The following B3GALT1 variants were observed in gnomAD, a reference collection of about 807,000 sequenced individuals.
B3GALT1 encodes the protein beta-1,3-galactosyltransferase 1, also known as UDP-Gal:betaGlcNAc beta 1,3-galactosyltransferase, polypeptide 1.
B3GALT1 carries 10 observed loss-of-function variants against 23.2 expected under a neutral mutation model. The observed-to-expected ratio is 0.43, with a 90% CI of 0.27 to 0.73. The LOEUF (loss-of-function observed/expected upper bound fraction) is 0.73. B3GALT1 is among the 30% of genes least tolerant of loss of function. The probability of loss-of-function intolerance (pLI) is 0.21; values close to 1 mark genes in which losing one functional copy is unlikely to be tolerated. For synonymous variants in B3GALT1, 156 were observed against 141.5 expected (o/e 1.10, Z -0.73); for missense variants, 299 against 405.4 (o/e 0.74, Z 2.25).
intron 4 of B3GALT1, among the ~76,000 whole-genome samples, chr2:167,851,497 T>C (rs1689887051): frequency 6.6e-6 from 1 of 152,196 alleles, no homozygotes; most frequent in Admixed American, 6.5e-5. Flanking sequence ...TATGTCTCCG[T>C]CTTGAGTTTC....
chr2:167,334,043 A>G (rs73015872), intron 1 of B3GALT1, among the ~76,000 whole-genome samples: 2,508 of 152,298 alleles, frequency 0.016, 58 homozygotes, highest in East Asian at 0.083. Flanking sequence ...AAAAAATTAC[A>G]TCAATTAGAA....
intron 3 of B3GALT1, among the ~76,000 whole-genome samples, chr2:167,680,406 TGAGA>T (rs60938313): frequency 9.6e-4 from 143 of 149,584 alleles, no homozygotes; most frequent in African/African-American, 3.2e-3. Context: ...AGAAACAGAT[TGAGA>T]GAGAGAGAGA....
chr2:167,313,449 T>C (rs1001812678), intron 1 of B3GALT1, among the ~76,000 whole-genome samples: 1 of 152,122 alleles, frequency 6.6e-6, no homozygotes, highest in Non-Finnish European at 1.5e-5. Flanking sequence ...AAGAGATACC[T>C]GTATATAGAA....
At chr2:167,551,075 G>A (rs1473389424) in intron 2 of B3GALT1, among the ~76,000 whole-genome samples, 5 of 133,474 alleles carry the variant, frequency 3.7e-5, no homozygotes, top group Non-Finnish European at 6.0e-5. Flanking sequence ...CATTGTATAG[G>A]CTAGTCCCAC....
chr2:167,302,229 A>T lies in B3GALT1; in HGVS notation c.-511+8895A>T, dbSNP rs1696459939. On this transcript the variant is annotated intron_variant, in intron 1 of 4. Coordinates refer to ENST00000392690, the MANE Select transcript of B3GALT1 (RefSeq NM_020981.4). ...TTACATTTATAAAAATGGTTAAATG[A>T]AATATTAACATTTGTTATTTTTGCA... is the stretch of plus-strand genomic sequence containing the variant. Among the ~76,000 whole-genome samples the T allele has an allele frequency of 2.0e-5, 3 of 152,322 alleles. No homozygotes were observed. The South Asian group carries it at 6.2e-4, about 32-fold the overall frequency.
At chr2:167,840,096 T>C (rs1689603993) in intron 4 of B3GALT1, among the ~76,000 whole-genome samples, 1 of 152,180 alleles carries the variant, frequency 6.6e-6, no homozygotes, top group African/African-American at 2.4e-5. Flanking sequence ...ACCTAGGCAT[T>C]ACCATTCAGG....
At chr2:167,484,512 A>G (rs1001766707) in intron 1 of B3GALT1, among the ~76,000 whole-genome samples, 8 of 152,184 alleles carry the variant, frequency 5.3e-5, no homozygotes, top group African/African-American at 1.9e-4. Context: ...TAAAAGTGGG[A>G]CAACTAGAAG....
At chr2:167,306,340 C>T (rs934247935) in intron 1 of B3GALT1, among the ~76,000 whole-genome samples, 2 of 151,900 alleles carry the variant, frequency 1.3e-5, no homozygotes, top group African/African-American at 2.4e-5. Context: ...TACAAAATTA[C>T]GTACAAGTCC....
At chr2:167,612,500 T>G (rs942496624) in intron 2 of B3GALT1, among the ~76,000 whole-genome samples, 1 of 151,818 alleles carries the variant, frequency 6.6e-6, no homozygotes, top group Non-Finnish European at 1.5e-5. Context: ...ATCCTGTATG[T>G]TGTAATTCCC....
chr2:167,721,058 A>G (rs1163171404), intron 3 of B3GALT1, among the ~76,000 whole-genome samples: 1 of 151,150 alleles, frequency 6.6e-6, no homozygotes. Context: ...CTCTCTGTAT[A>G]TCTCCATCTT....
intron 3 of B3GALT1, among the ~76,000 whole-genome samples, chr2:167,698,521 A>G (rs1686821464): frequency 6.6e-6 from 1 of 152,188 alleles, no homozygotes; most frequent in African/African-American, 2.4e-5. Context: ...CCAGGCAGAG[A>G]GGCAGGAACC....
intron 1 of B3GALT1, among the ~76,000 whole-genome samples, chr2:167,404,168 G>A (rs1173191383): frequency 6.6e-6 from 1 of 152,066 alleles, no homozygotes; most frequent in Non-Finnish European, 1.5e-5. Flanking sequence ...GGCAAGAAAG[G>A]TGGCAAGGAA....
chr2:167,356,047 A>G (rs1386768423), intron 1 of B3GALT1, among the ~76,000 whole-genome samples: 1 of 152,202 alleles, frequency 6.6e-6, no homozygotes, highest in African/African-American at 2.4e-5. Flanking sequence ...CTTCAAGGAA[A>G]ATGAGAAACT....
intron 1 of B3GALT1, among the ~76,000 whole-genome samples, chr2:167,359,556 T>G (rs1360820266): frequency 1.3e-5 from 2 of 152,210 alleles, no homozygotes; most frequent in African/African-American, 4.8e-5. Flanking sequence ...TTTGAGAACA[T>G]CACAGTACTA....
At chr2:167,849,748 G>A (rs1689836599) in intron 4 of B3GALT1, among the ~76,000 whole-genome samples, 1 of 152,054 alleles carries the variant, frequency 6.6e-6, no homozygotes, top group Admixed American at 6.6e-5. Flanking sequence ...AAATTAGCCA[G>A]GTGTGGTGGC....
rs562771524 is a variant in B3GALT1, at chr2:167,318,200, G to A, written c.-511+24866G>A. 1.4e-4 allele frequency among the ~76,000 whole-genome samples: 21 copies of A among 151,912 alleles called. No individual in the cohort carries two copies. In the South Asian group the frequency reaches 3.1e-3, roughly 23 times the overall value. ...AAATTAGCCAGGTGTGGTGGCGGGC[G>A]CCTGTAATCCCAGCTACTCGGAGGC... On this transcript the variant is annotated intron_variant, in intron 1 of 4. Transcript: ENST00000392690.
intron 2 of B3GALT1, among the ~76,000 whole-genome samples, chr2:167,601,850 A>G (rs929680683): frequency 6.6e-6 from 1 of 152,260 alleles, no homozygotes; most frequent in Non-Finnish European, 1.5e-5. Context: ...CACACTCAGC[A>G]GTGAACATGA....
Position 167,573,555 on chromosome 2 carries a change from G to T in B3GALT1, c.-409-73354G>T, listed in dbSNP as rs189739211. On this transcript the variant is annotated intron_variant, in intron 2 of 4. Coordinates refer to ENST00000392690, the MANE Select transcript of B3GALT1 (RefSeq NM_020981.4). ...TTCAATTAGATTTTGGATTTTATAG[G>T]ATACTGAATAATAGTTTATGAGTTT... Among the ~76,000 whole-genome samples the T allele has an allele frequency of 1.4e-3, 215 of 151,754 alleles. 1 individual carries two copies. The highest frequency in any genetic ancestry group is 4.8e-3 in the African/African-American group (198 of 41,476).
intron 3 of B3GALT1, among the ~76,000 whole-genome samples, chr2:167,778,468 A>G (rs1286979501): frequency 6.6e-6 from 1 of 152,170 alleles, no homozygotes; most frequent in Non-Finnish European, 1.5e-5. Context: ...ATTCTTTCCA[A>G]TCAATGCATA....
Sources: allele counts gnomAD v4.1 joint callset (sites outside exome capture counted in the v4.1 genomes callset), GRCh38; gene constraint gnomAD v4.1.1; transcripts MANE v1.5; gene names NCBI Gene and HGNC (gene_info 2026-07-23, HGNC 2026-07-21).